GALNT2: variants seen among roughly 807,000 people sequenced by gnomAD.
GALNT2 encodes the protein polypeptide N-acetylgalactosaminyltransferase 2, also known as UDP-GalNAc:polypeptide N-acetylgalactosaminyltransferase 2.
In GALNT2, 31 loss-of-function variants were observed where a neutral mutation model predicts 81.4. The ratio of observed to expected loss-of-function variants is 0.38; its 90% confidence interval spans 0.29 to 0.51. The LOEUF is 0.51. Among genes scored for constraint, GALNT2 ranks in the 20% least tolerant of loss-of-function variants. The probability of loss-of-function intolerance (pLI) is 0.87; values close to 1 mark genes in which losing one functional copy is unlikely to be tolerated. For missense variants in GALNT2, 629 were observed against 765.7 expected (o/e 0.82, Z 2.11); for synonymous variants, 303 against 287.4 (o/e 1.05, Z -0.55).
At chr1:230,149,074 T>A (rs1282240105) in intron 1 of GALNT2, among the ~76,000 whole-genome samples, 1 of 151,962 alleles carries the variant, frequency 6.6e-6, no homozygotes, top group Non-Finnish European at 1.5e-5. Context: ...AGAGACGGCG[T>A]TTCTCCATAT....
intron 1 of GALNT2, among the ~76,000 whole-genome samples, chr1:230,169,443 A>C (rs888129321): frequency 6.6e-6 from 1 of 152,194 alleles, no homozygotes; most frequent in Non-Finnish European, 1.5e-5. Context: ...AACTATTCCT[A>C]GTTGCATTTT....
At chr1:230,143,335 T>C (rs1162443206) in intron 1 of GALNT2, among the ~76,000 whole-genome samples, 4 of 152,204 alleles carry the variant, frequency 2.6e-5, no homozygotes, top group Non-Finnish European at 5.9e-5. Flanking sequence ...TGGTAAGAGA[T>C]GTCCAGTTGT....
intron 1 of GALNT2, among the ~76,000 whole-genome samples, chr1:230,079,749 A>G (rs997589755): frequency 1.3e-5 from 2 of 152,236 alleles, no homozygotes; most frequent in African/African-American, 4.8e-5. Flanking sequence ...TGGATGGTCT[A>G]AGCTCCAGGC....
chr1:230,103,136 T>C (rs938773668), intron 1 of GALNT2, among the ~76,000 whole-genome samples: 1 of 152,200 alleles, frequency 6.6e-6, no homozygotes, highest in Non-Finnish European at 1.5e-5. Context: ...GGTGAGGCAG[T>C]CCAGGAAAAC....
intron 10 of GALNT2, among the ~76,000 whole-genome samples, chr1:230,254,787 A>G (rs1665656065): frequency 6.6e-6 from 1 of 152,232 alleles, no homozygotes; most frequent in Non-Finnish European, 1.5e-5. Flanking sequence ...CGGTGTTGAT[A>G]CGAAGCAAGT....
chr1:230,168,134 T>G (rs905008676), intron 1 of GALNT2, among the ~76,000 whole-genome samples: 11 of 152,046 alleles, frequency 7.2e-5, no homozygotes, highest in Non-Finnish European at 1.5e-4. Context: ...GGCGGTGGAC[T>G]CGGAGCAAGT....
At chr1:230,267,925 C>T (rs944671862) in intron 14 of GALNT2, among the ~76,000 whole-genome samples, 32 of 152,328 alleles carry the variant, frequency 2.1e-4, no homozygotes, top group Middle Eastern at 3.4e-3. Context: ...GGGCGCCGTG[C>T]GGTGCTGCTG....
chr1:230,262,737 C>T (rs1044203480), intron 12 of GALNT2, 72 bp downstream of exon 12: 42 of 1,446,280 alleles, frequency 2.9e-5, no homozygotes, highest in Non-Finnish European at 4.1e-5. Flanking sequence ...TAAGGGGCTG[C>T]CCCCAGCGTT....
chr1:230,069,898 C>T (rs75978868), intron 1 of GALNT2, among the ~76,000 whole-genome samples: 173 of 152,258 alleles, frequency 1.1e-3, no homozygotes, highest in African/African-American at 3.4e-3. Flanking sequence ...CACATCCTGA[C>T]GTTTTTCATA....
chr1:230,267,651 C>A (rs1469469420), intron 14 of GALNT2, among the ~76,000 whole-genome samples: 1 of 152,178 alleles, frequency 6.6e-6, no homozygotes, highest in African/African-American at 2.4e-5. Flanking sequence ...CGTCACAGGC[C>A]CCACCCGTGT....
rs1665669009 is a variant in GALNT2, at chr1:230,255,174, G to GT, written c.1010-43dup. Reference sequence around the variant, plus strand: ...GGTGTGTCTGCTGTTGCAGAGGTGCGTCCCAGGCTCTGTCAGTCACCTGTG... The same window carrying GT: ...GGTGTGTCTGCTGTTGCAGAGGTGCGTTCCCAGGCTCTGTCAGTCACCTGTG... On this transcript the variant is annotated intron_variant, in intron 10 of 15. Transcript: ENST00000366672. 3 of 1,613,826 alleles carry GT rather than the reference G, an allele frequency of 1.9e-6. No individual in the cohort carries two copies. In the African/African-American group the frequency reaches 4.0e-5, roughly 22 times the overall value.
chr1:230,155,073 C>T (rs1662205234), intron 1 of GALNT2, among the ~76,000 whole-genome samples: 1 of 152,248 alleles, frequency 6.6e-6, no homozygotes, highest in East Asian at 1.9e-4. Flanking sequence ...CATCAGGGTC[C>T]TCCCAGATGA....
At chr1:230,233,994 C>A (rs979088109) in intron 3 of GALNT2, among the ~76,000 whole-genome samples, 10 of 151,704 alleles carry the variant, frequency 6.6e-5, no homozygotes, top group African/African-American at 2.2e-4. Flanking sequence ...TATGGGAAGG[C>A]GAGGGGCAGA....
intron 2 of GALNT2, among the ~76,000 whole-genome samples, chr1:230,195,552 A>C (rs1409791768): frequency 6.6e-6 from 1 of 152,174 alleles, no homozygotes; most frequent in Non-Finnish European, 1.5e-5. Flanking sequence ...GGGTAGACAC[A>C]TACATCGCAG....
intron 10 of GALNT2, among the ~76,000 whole-genome samples, chr1:230,253,885 T>G (rs1278974920): frequency 6.6e-6 from 1 of 152,196 alleles, no homozygotes; most frequent in African/African-American, 2.4e-5. Context: ...AGATCAGTGT[T>G]TTTTAGCTTC....
intron 1 of GALNT2, among the ~76,000 whole-genome samples, chr1:230,134,270 A>G (rs1661466382): frequency 6.6e-6 from 1 of 151,956 alleles, no homozygotes; most frequent in Non-Finnish European, 1.5e-5. Context: ...CACCATGCCC[A>G]GCTAATTTTT....
At chr1:230,128,742 C>G (rs1558097853) in intron 1 of GALNT2, among the ~76,000 whole-genome samples, 1 of 152,118 alleles carries the variant, frequency 6.6e-6, no homozygotes, top group African/African-American at 2.4e-5. Flanking sequence ...CTTCCTTGCT[C>G]CAGTCTCCTC....
At chr1:230,278,421 C>T (rs1045560104) in intron 15 of GALNT2, among the ~76,000 whole-genome samples, 1 of 152,114 alleles carries the variant, frequency 6.6e-6, no homozygotes. Context: ...CGCCTGCACT[C>T]AGGCTGAAAG....
At chr1:230,119,617 G>A (rs1660953109) in intron 1 of GALNT2, among the ~76,000 whole-genome samples, 1 of 152,058 alleles carries the variant, frequency 6.6e-6, no homozygotes, top group South Asian at 2.1e-4. Context: ...TCTTTGCTAG[G>A]CTGTTTGTAT....
Sources: allele counts gnomAD v4.1 joint callset (sites outside exome capture counted in the v4.1 genomes callset), GRCh38; gene constraint gnomAD v4.1.1; transcripts MANE v1.5; gene names NCBI Gene and HGNC (gene_info 2026-07-23, HGNC 2026-07-21).